Variants in HFM1 observed in about 807,000 individuals in gnomAD.
HFM1 encodes the protein probable ATP-dependent DNA helicase HFM1.
A neutral mutation model predicts 192.1 loss-of-function variants in HFM1; 169 were observed. The observed-to-expected ratio is 0.88, with a 90% CI of 0.78 to 1.00. The LOEUF is 1.00. Ranked by LOEUF, HFM1 falls within the 50% of genes least tolerant of loss-of-function variation. The pLI is 0.00. For synonymous variants in HFM1, 525 were observed against 537.8 expected (o/e 0.98, Z 0.33); for missense variants, 1,661 against 1,668.0 (o/e 1.00, Z 0.07).
intron 13 of HFM1, among the ~76,000 whole-genome samples, chr1:91,368,173 G>A (rs1208213780): frequency 6.6e-6 from 1 of 152,174 alleles, no homozygotes; most frequent in East Asian, 1.9e-4. Context: ...AAAACTCTCT[G>A]CAGGATATTA....
chr1:91,294,877 C>T (rs1307360198), intron 30 of HFM1, among the ~76,000 whole-genome samples: 1 of 152,118 alleles, frequency 6.6e-6, no homozygotes, highest in African/African-American at 2.4e-5. Context: ...AGCAGAATTG[C>T]TCTATCACAT....
chr1:91,289,113 C>A (rs1668386203), intron 30 of HFM1, among the ~76,000 whole-genome samples: 1 of 151,932 alleles, frequency 6.6e-6, no homozygotes, highest in Non-Finnish European at 1.5e-5. Flanking sequence ...GATGGGGCGG[C>A]TGCCAGGCGG....
intron 36 of HFM1, 33 bp from the exon 37 acceptor site, chr1:91,262,625 G>T: frequency 7.7e-7 from 1 of 1,292,460 alleles, no homozygotes; most frequent in Non-Finnish European, 1.1e-6. Flanking sequence ...TGTAAAATAC[G>T]GCAAACAAGA....
Position 91,304,625 on chromosome 1 carries a change from G to T in HFM1, c.3391+8724C>A, listed in dbSNP as rs533706428. On this transcript the variant is annotated intron_variant, in intron 30 of 38. Coordinates refer to ENST00000370425, the MANE Select transcript of HFM1 (RefSeq NM_001017975.6). ...GGGATTACAGGGGCCCATCACCACA[G>T]CCGGCTAATTTTTTTTTTTTTTTTT... Among the ~76,000 whole-genome samples, 5 of 130,526 alleles carry T rather than the reference G, an allele frequency of 3.8e-5. No individual in the cohort carries two copies. The South Asian group carries it at 1.4e-3, about 37-fold the overall frequency. The allele number at this position is 130,526 out of a possible 152,430, so 85.6% of individuals were successfully genotyped here. A position where few individuals can be genotyped will look rare whatever the true frequency, so the allele number is the denominator to read the frequency against.
At chr1:91,335,687 G>A (rs2101572762) in intron 20 of HFM1, among the ~76,000 whole-genome samples, 1 of 152,024 alleles carries the variant, frequency 6.6e-6, no homozygotes, top group South Asian at 2.1e-4. Context: ...ATTCTAACAG[G>A]AAATTCAGGA....
intron 1 of HFM1, among the ~76,000 whole-genome samples, chr1:91,404,227 G>T (rs959804103): frequency 3.3e-5 from 5 of 152,206 alleles, no homozygotes; most frequent in African/African-American, 1.2e-4. Context: ...GAAGGGTCCG[G>T]CTGGGGACCG....
At chr1:91,396,429 G>T in intron 2 of HFM1, 24 bp from the exon 3 acceptor site, 2 of 1,176,120 alleles carry the variant, frequency 1.7e-6, no homozygotes, top group Non-Finnish European at 2.5e-6. Context: ...AAAAATGTGA[G>T]TATATATGTT....
chr1:91,383,809 G>A (rs914383833), intron 6 of HFM1, among the ~76,000 whole-genome samples: 3 of 152,022 alleles, frequency 2.0e-5, no homozygotes, highest in African/African-American at 7.2e-5. Flanking sequence ...TACAGAGATT[G>A]CATTTTCACT....
intron 31 of HFM1, 101 bp from the exon 32 acceptor site, chr1:91,276,844 T>C (rs1666868203): frequency 4.9e-6 from 4 of 814,480 alleles, no homozygotes; most frequent in Non-Finnish European, 7.7e-6. Flanking sequence ...ACTTTTTTCA[T>C]GTTGCCCACA....
intron 36 of HFM1, among the ~76,000 whole-genome samples, chr1:91,263,416 T>C (rs1314482323): frequency 6.6e-6 from 1 of 151,902 alleles, no homozygotes; most frequent in Non-Finnish European, 1.5e-5. Context: ...TATATATACA[T>C]GGCAAGGAAT....
At chr1:91,267,184 A>C (rs1298917037) in intron 35 of HFM1, among the ~76,000 whole-genome samples, 1 of 152,164 alleles carries the variant, frequency 6.6e-6, no homozygotes, top group Non-Finnish European at 1.5e-5. Flanking sequence ...TCAAAGAGCT[A>C]ATAAGCCTCA....
intron 4 of HFM1, among the ~76,000 whole-genome samples, chr1:91,391,699 T>G (rs1663013966): frequency 6.6e-6 from 1 of 152,140 alleles, no homozygotes; most frequent in South Asian, 2.1e-4. Context: ...GGGCAAGGAC[T>G]TCATGACTAA....
At chr1:91,264,729 G>C (rs1321586550) in intron 36 of HFM1, among the ~76,000 whole-genome samples, 1 of 151,936 alleles carries the variant, frequency 6.6e-6, no homozygotes, top group Non-Finnish European at 1.5e-5. Flanking sequence ...TGAATAAAAA[G>C]TTGTTGGTAT....
Position 91,316,129 on chromosome 1 carries a change from A to G in HFM1, c.2954T>C (p.Leu985Pro). The G allele has an allele frequency of 1.3e-6, 2 of 1,592,630 alleles. No individual in the cohort carries two copies. The highest frequency in any genetic ancestry group is 4.5e-5 in the East Asian group (2 of 44,630). Residue 985 changes from leucine to proline, a missense_variant, in exon 27 of 39, where the codon CTA (leucine) becomes CCA (proline). Leu to Pro is a moderately conservative substitution (Grantham distance 98). Coordinates refer to ENST00000370425, the MANE Select transcript of HFM1 (RefSeq NM_001017975.6). ...GTQIKETVMY[L>P]PKYELKVEQI... The stretch of plus-strand genomic sequence containing the variant: ...TTCCACTTTAAGTTCATATTTTGGT[A>G]GATACATCACAGTTTCTTTTATCTG...
intron 19 of HFM1, among the ~76,000 whole-genome samples, chr1:91,345,127 T>G (rs1269991387): frequency 6.6e-6 from 1 of 152,174 alleles, no homozygotes; most frequent in African/African-American, 2.4e-5. Context: ...ATAAACACAT[T>G]ACCTTTTCTA....
chr1:91,397,576 G>A (rs1248556397), intron 2 of HFM1, among the ~76,000 whole-genome samples: 1 of 152,134 alleles, frequency 6.6e-6, no homozygotes, highest in Non-Finnish European at 1.5e-5. Context: ...TAGCTACTCT[G>A]ACCATATTTT....
rs1665168184 is a variant in HFM1, at chr1:91,261,651, C to A, written c.4239-292G>T. 3.1e-5 allele frequency: 6 copies of A among 195,956 alleles called. No individual in the cohort carries two copies. The South Asian group carries it at 9.5e-4, about 31-fold the overall frequency. 12.1% of individuals were successfully genotyped at this position (195,956 alleles called of 1,614,324 possible). A position where few individuals can be genotyped will look rare whatever the true frequency, so the allele number is the denominator to read the frequency against. On this transcript the variant is annotated intron_variant, in intron 38 of 38. Coordinates refer to ENST00000370425, the MANE Select transcript of HFM1 (RefSeq NM_001017975.6). ...CCTGGTCCAAGGGAAGTGTTGTTTA[C>A]AACTAATTGATCACAACCAGTTACA...
chr1:91,406,205 CTG>C (rs754066333), upstream of HFM1, among the ~76,000 whole-genome samples: 29 of 152,356 alleles, frequency 1.9e-4, no homozygotes, highest in South Asian at 6.2e-4. Context: ...TCTGCCTGCA[CTG>C]TGATCTTGGA....
intron 32 of HFM1, 146 bp downstream of exon 32, chr1:91,276,482 G>A (rs1281104538): frequency 4.7e-6 from 2 of 424,356 alleles, no homozygotes; most frequent in East Asian, 7.2e-5. Context: ...AAGAAGGGAA[G>A]ATGGATTATG....
Sources: gnomAD v4.1 joint callset for allele counts (sites outside exome capture counted in the v4.1 genomes callset) on GRCh38, gnomAD v4.1.1 for gene constraint, MANE v1.5 for transcripts, NCBI Gene and HGNC (gene_info 2026-07-23, HGNC 2026-07-21) for gene names.